The following PRUNE2 variants were observed in gnomAD, a reference collection of about 807,000 sequenced individuals.
The protein encoded by PRUNE2 is prune homolog 2 with BCH domain, also known as protein prune homolog 2.
A neutral mutation model predicts 252.0 loss-of-function variants in PRUNE2; 164 were observed. The ratio of observed to expected loss-of-function variants is 0.65; its 90% CI spans 0.57 to 0.74. The LOEUF is 0.74. Ranked by LOEUF, PRUNE2 falls within the 30% of genes least tolerant of loss-of-function variation. The probability of loss-of-function intolerance (pLI) is 0.00; values close to 1 mark genes in which losing one functional copy is unlikely to be tolerated. For missense variants in PRUNE2, 3,495 were observed against 3,711.0 expected, an observed-to-expected ratio of 0.94 and a Z score of 1.51; for synonymous variants, 1,292 against 1,350.2, an observed-to-expected ratio of 0.96 and a Z score of 0.94.
intron 9 of PRUNE2, among the ~76,000 whole-genome samples, chr9:76,660,826 A>AAACCACTTG (rs1414638206): frequency 6.6e-6 from 1 of 151,600 alleles, no homozygotes; most frequent in African/African-American, 2.4e-5. Flanking sequence ...ATCAGATGTG[A>AAACCACTTG]AACCACTTGG....
At chr9:76,871,502 T>C (rs2133080189) in intron 1 of PRUNE2, among the ~76,000 whole-genome samples, 1 of 152,370 alleles carries the variant, frequency 6.6e-6, no homozygotes, top group Admixed American at 6.5e-5. Context: ...CAGCTGTGTC[T>C]AGTGCTTTGG....
At chr9:76,721,107 T>C (rs1380609093) in intron 6 of PRUNE2, among the ~76,000 whole-genome samples, 1 of 152,172 alleles carries the variant, frequency 6.6e-6, no homozygotes. Flanking sequence ...GTCTAAAAGA[T>C]GTAAGGTATA....
intron 9 of PRUNE2, among the ~76,000 whole-genome samples, chr9:76,701,094 G>A (rs1470828524): frequency 6.6e-6 from 1 of 152,188 alleles, no homozygotes; most frequent in African/African-American, 2.4e-5. Context: ...ATCAGGAGTT[G>A]CTGAAGCTCA....
At chr9:76,802,558 A>G (rs1007548478) in intron 6 of PRUNE2, among the ~76,000 whole-genome samples, 6 of 152,204 alleles carry the variant, frequency 3.9e-5, no homozygotes, top group African/African-American at 1.2e-4. Context: ...AAATGTTAAC[A>G]TGTTTACTTG....
intron 6 of PRUNE2, among the ~76,000 whole-genome samples, chr9:76,751,439 G>A (rs1170766190): frequency 6.6e-6 from 1 of 152,142 alleles, no homozygotes; most frequent in Non-Finnish European, 1.5e-5. Context: ...TTGCATACTT[G>A]CTATGAACAA....
At chr9:76,817,850 C>G (rs904535762) in intron 6 of PRUNE2, 1 of 152,162 alleles carries the variant, frequency 6.6e-6, no homozygotes, top group African/African-American at 2.4e-5. Flanking sequence ...GGTAAGCACT[C>G]ACCATCATCA....
chr9:76,721,031 G>A (rs2047601783), intron 6 of PRUNE2, among the ~76,000 whole-genome samples: 1 of 152,140 alleles, frequency 6.6e-6, no homozygotes, highest in African/African-American at 2.4e-5. Context: ...AAACCCAGGA[G>A]GCGGAGCTTG....
intron 14 of PRUNE2, among the ~76,000 whole-genome samples, chr9:76,636,819 G>A (rs1840260016): frequency 6.6e-6 from 1 of 152,100 alleles, no homozygotes; most frequent in Non-Finnish European, 1.5e-5. Flanking sequence ...AGCTGGGCGT[G>A]GTGGTGCCCG....
At chr9:76,797,481 A>G (rs2056199022) in intron 6 of PRUNE2, among the ~76,000 whole-genome samples, 1 of 152,150 alleles carries the variant, frequency 6.6e-6, no homozygotes, top group Non-Finnish European at 1.5e-5. Context: ...TATTCAAGAG[A>G]AAGAAAACTA....
chr9:76,644,614 G>A (rs1249566698), intron 12 of PRUNE2, 125 bp downstream of exon 12: 2 of 862,792 alleles, frequency 2.3e-6, no homozygotes, highest in Non-Finnish European at 1.9e-6. Flanking sequence ...ATAGTTCCCT[G>A]AATATTGGCT....
chr9:76,773,438 C>CTT (rs35078779), intron 6 of PRUNE2, among the ~76,000 whole-genome samples: 162 of 107,550 alleles, frequency 1.5e-3, no homozygotes, highest in Middle Eastern at 4.8e-3. Flanking sequence ...ACTAGTACAT[C>CTT]TTTTTTTTTT....
intron 6 of PRUNE2, chr9:76,758,818 GAAAA>G (rs35914654): frequency 6.7e-6 from 1 of 149,484 alleles, no homozygotes; most frequent in South Asian, 2.1e-4. Context: ...ATGGGTCCAG[GAAAA>G]AAAAAATTAC....
At chr9:76,844,679 G>A (rs1266048351) in intron 4 of PRUNE2, among the ~76,000 whole-genome samples, 2 of 152,044 alleles carry the variant, frequency 1.3e-5, no homozygotes, top group African/African-American at 4.8e-5. Context: ...AGCCCCCTAT[G>A]TCTTCTACCT....
intron 4 of PRUNE2, among the ~76,000 whole-genome samples, chr9:76,828,572 T>C (rs562251915): frequency 1.3e-5 from 2 of 152,168 alleles, no homozygotes; most frequent in Non-Finnish European, 2.9e-5. Flanking sequence ...GTAAGGAGGC[T>C]GTTTTGGATA....
chr9:76,752,818 G>A (rs1357932398), intron 6 of PRUNE2, among the ~76,000 whole-genome samples: 2 of 152,100 alleles, frequency 1.3e-5, no homozygotes, highest in African/African-American at 4.8e-5. Context: ...CCAGCAGTTG[G>A]TTAGGGATAC....
At chr9:76,681,691 C>A (rs2043455796) in intron 9 of PRUNE2, among the ~76,000 whole-genome samples, 1 of 152,040 alleles carries the variant, frequency 6.6e-6, no homozygotes, top group Non-Finnish European at 1.5e-5. Context: ...TCATTTTTAC[C>A]CCTGAACCAC....
chr9:76,640,471 A>G lies in PRUNE2; in HGVS notation c.8729-2183T>C, dbSNP rs146544857. ...GTGATACGGTGTTGTTGTATACAGT[A>G]TTTATACTACAGATCTTAGAAGATG... On this transcript the variant is annotated intron_variant, in intron 12 of 18. Coordinates refer to ENST00000376718, the MANE Select transcript of PRUNE2 (RefSeq NM_015225.3). Among the ~76,000 whole-genome samples the G allele has an allele frequency of 2.1e-3, 321 of 152,332 alleles. 1 individual carries two copies. The highest frequency in any genetic ancestry group is 3.4e-3 in the Middle Eastern group (1 of 294).
chr9:76,829,624 A>C (rs2058553129), intron 4 of PRUNE2, among the ~76,000 whole-genome samples: 1 of 152,212 alleles, frequency 6.6e-6, no homozygotes, highest in Non-Finnish European at 1.5e-5. Flanking sequence ...CACAAACCCT[A>C]AGATATTTAC....
chr9:76,683,464 A>G (rs2043712871), intron 9 of PRUNE2, among the ~76,000 whole-genome samples: 1 of 152,214 alleles, frequency 6.6e-6, no homozygotes. Context: ...GGTTTTCATA[A>G]TATGAGCCAA....
Sources: gnomAD v4.1 joint callset for allele counts (sites outside exome capture counted in the v4.1 genomes callset) on GRCh38, gnomAD v4.1.1 for gene constraint, MANE v1.5 for transcripts, NCBI Gene and HGNC (gene_info 2026-07-23, HGNC 2026-07-21) for gene names.